CTBP2: variants seen among roughly 807,000 people sequenced by gnomAD.
CTBP2 encodes the protein C-terminal-binding protein 2.
A neutral mutation model predicts 80.3 loss-of-function variants in CTBP2; 30 were observed. That is an observed-to-expected ratio of 0.37 (90% confidence interval 0.28 to 0.51). CTBP2 has a LOEUF of 0.51. Among genes scored for constraint, CTBP2 ranks in the 20% least tolerant of loss-of-function variants. The probability of loss-of-function intolerance (pLI) is 0.93; values close to 1 mark genes in which losing one functional copy is unlikely to be tolerated. For synonymous variants in CTBP2, 594 were observed against 587.4 expected, an observed-to-expected ratio of 1.01 and a Z score of -0.16; for missense variants, 1,212 against 1,375.3, an observed-to-expected ratio of 0.88 and a Z score of 1.88.
intron 1 of CTBP2, among the ~76,000 whole-genome samples, chr10:125,007,798 AT>A (rs1349931172): frequency 6.6e-6 from 1 of 152,202 alleles, no homozygotes; most frequent in Non-Finnish European, 1.5e-5. Context: ...AGAAATTCTC[AT>A]TATTTAAAAA....
chr10:125,027,123 C>T lies in CTBP2; in HGVS notation c.637G>A (p.Asp213Asn), dbSNP rs3781408. ...GGGTCAATGGGTCTTTCGCTGATGT[C>T]GCTGAAGACCTGGCTGAGGGGGTAG... is the stretch of plus-strand genomic sequence containing the variant. Residue 213 changes from aspartate to asparagine, a missense_variant, in exon 1 of 9, where the codon GAC (aspartate) becomes AAC (asparagine). By Grantham distance (23) the Asp-to-Asn change is conservative. This residue lies in a region of CTBP2 where 848 missense variants were observed against 782.3 expected (regional missense o/e 1.08). Transcript: ENST00000309035. 0.052 allele frequency: 83,805 copies of T among 1,604,770 alleles called. 2,338 individuals are homozygous for T. Among genetic ancestry groups the T allele is most frequent in the African/African-American group, 0.079 (5,907 of 74,818 alleles).
At chr10:125,131,256 A>G (rs1856133553) in intron 1 of CTBP2, among the ~76,000 whole-genome samples, 1 of 152,188 alleles carries the variant, frequency 6.6e-6, no homozygotes, top group African/African-American at 2.4e-5. Flanking sequence ...GAAGATCAGG[A>G]GCGTCTTCAT....
chr10:124,984,936 C>T lies in CTBP2; in HGVS notation c.*4582G>A, dbSNP rs761222098. On this transcript the variant is annotated 3_prime_UTR_variant, in exon 9 of 9. Transcript: ENST00000309035. ...ATGGCTTGACCGCTACCGACAGATC[C>T]GGCCGTGTACATCCCTGTCTGATGG... 3 of 1,613,516 alleles carry T rather than the reference C, an allele frequency of 1.9e-6. No homozygotes were observed. Among genetic ancestry groups the T allele is most frequent in the Non-Finnish European group, 2.5e-6 (3 of 1,179,936 alleles).
chr10:124,993,958 C>T lies in CTBP2; in HGVS notation c.2428G>A (p.Ala810Thr), dbSNP rs971439831. The T allele has an allele frequency of 1.8e-5, 29 of 1,614,148 alleles. No individual in the cohort carries two copies. The highest frequency in any genetic ancestry group is 1.6e-4 in the Middle Eastern group (1 of 6,062). The change falls in exon 6 of 9, where the codon GCA becomes ACA. Residue 810 changes from alanine (A) to threonine (T), a missense_variant. Physicochemically the swap from Ala to Thr is moderately conservative, Grantham distance 58. Transcript: ENST00000309035. ...TCGTCCACCAGGCCGCCACGGGCTG[C>T]GTTCACAAGGAATGCTCCCTGCCTC...
chr10:125,111,957 C>G (rs1273493577), intron 1 of CTBP2, among the ~76,000 whole-genome samples: 4 of 152,082 alleles, frequency 2.6e-5, no homozygotes, highest in African/African-American at 9.7e-5. Context: ...TGAAGGTAGT[C>G]TTGCTCGAGC....
intron 1 of CTBP2, among the ~76,000 whole-genome samples, chr10:125,022,579 C>T (rs1273790096): frequency 6.6e-6 from 1 of 152,228 alleles, no homozygotes; most frequent in African/African-American, 2.4e-5. Flanking sequence ...CTGGGCTCTG[C>T]CCAGGGCAGT....
chr10:125,010,006 G>A (rs1036237768), intron 1 of CTBP2, among the ~76,000 whole-genome samples: 6 of 152,094 alleles, frequency 3.9e-5, no homozygotes, highest in Admixed American at 6.6e-5. Context: ...AGCAAGCCAC[G>A]GTGACTCCCC....
chr10:125,110,472 G>A (rs59536048), intron 2 of CTBP2, among the ~76,000 whole-genome samples: 1 of 151,898 alleles, frequency 6.6e-6, no homozygotes, highest in Non-Finnish European at 1.5e-5. Flanking sequence ...AATCTACTCC[G>A]CCAGAAAAAT....
At chr10:125,091,475 T>C (rs1036930491) in intron 2 of CTBP2, among the ~76,000 whole-genome samples, 6 of 152,156 alleles carry the variant, frequency 3.9e-5, no homozygotes, top group African/African-American at 1.4e-4. Context: ...TTATTCCCTA[T>C]TTAAAAAGTA....
rs1957685815 is a variant in CTBP2, at chr10:125,027,045, C to T, written c.715G>A (p.Ala239Thr). 6.2e-7 allele frequency: 1 copy of T among 1,613,374 alleles called. No individual in the cohort carries two copies. Among genetic ancestry groups the T allele is most frequent in the South Asian group, 1.1e-5 (1 of 91,076 alleles). Residue 239 changes from alanine to threonine, a missense_variant, in exon 1 of 9, where the codon GCT (alanine) becomes ACT (threonine). Coordinates refer to ENST00000309035, the MANE Select transcript of CTBP2 (RefSeq NM_022802.3). ...CCTGTGCTGCCTTCGGGGGCAGCAG[C>T]TGAACTGGGGTCCACAACCAGGCAC...
intron 6 of CTBP2, 26 bp downstream of exon 8, chr10:124,993,829 T>C (rs1589914077): frequency 6.2e-7 from 1 of 1,602,072 alleles, no homozygotes. Context: ...TGTGGGCTCC[T>C]GGTAGGCGGC....
chr10:125,159,661 C>T (rs1420776358), intron 1 of CTBP2, among the ~76,000 whole-genome samples: 1 of 149,978 alleles, frequency 6.7e-6, no homozygotes, highest in Non-Finnish European at 1.5e-5. Flanking sequence ...CCCCTGGGGA[C>T]CGAGAGCCGC....
intron 1 of CTBP2, among the ~76,000 whole-genome samples, chr10:125,136,116 TG>T (rs1306012175): frequency 6.6e-6 from 1 of 152,214 alleles, no homozygotes; most frequent in African/African-American, 2.4e-5. Context: ...AGGATTAAGC[TG>T]GGATCTTTTT....
At chr10:125,103,235 C>T (rs1250754811) in intron 2 of CTBP2, among the ~76,000 whole-genome samples, 5 of 152,188 alleles carry the variant, frequency 3.3e-5, no homozygotes, top group African/African-American at 9.7e-5. Context: ...CCTACATGTG[C>T]CCAGCCCACT....
upstream of CTBP2, chr10:125,160,582 C>T (rs1435057174): frequency 4.0e-5 from 5 of 126,084 alleles, no homozygotes. Context: ...CAGCTCCCCG[C>T]CCCTCCCCCT....
At chr10:125,108,525 C>T (rs554906765) in intron 2 of CTBP2, among the ~76,000 whole-genome samples, 4 of 152,306 alleles carry the variant, frequency 2.6e-5, no homozygotes, top group African/African-American at 9.6e-5. Flanking sequence ...GGTTACAATC[C>T]CACATGACCT....
At chr10:125,138,517 G>C (rs773857722) in intron 1 of CTBP2, among the ~76,000 whole-genome samples, 1 of 152,092 alleles carries the variant, frequency 6.6e-6, no homozygotes, top group Non-Finnish European at 1.5e-5. Context: ...TTCAAGGACT[G>C]TGCTAAAAAT....
intron 3 of CTBP2, among the ~76,000 whole-genome samples, chr10:125,035,447 C>G (rs1958752700): frequency 1.3e-5 from 2 of 152,172 alleles, no homozygotes; most frequent in African/African-American, 4.8e-5. Flanking sequence ...CCTCGGGGGA[C>G]CATTTTCCAC....
intron 2 of CTBP2, among the ~76,000 whole-genome samples, chr10:125,106,842 G>A (rs746367732): frequency 1.3e-5 from 2 of 152,234 alleles, no homozygotes; most frequent in African/African-American, 2.4e-5. Flanking sequence ...CGCAGGAAGC[G>A]GAAAACAACA....
Sources: allele counts gnomAD v4.1 joint callset (sites outside exome capture counted in the v4.1 genomes callset), GRCh38; gene constraint gnomAD v4.1.1; regional missense constraint gnomAD v4.1.1; transcripts MANE v1.5; gene names NCBI Gene and HGNC (gene_info 2026-07-23, HGNC 2026-07-21).